The following EMC1 variants were observed in gnomAD, a reference collection of about 807,000 sequenced individuals.
EMC1 encodes KIAA0090.
Under a neutral mutation model 128.8 loss-of-function variants are expected in EMC1, and 103 were observed. The observed-to-expected ratio is 0.80, with a 90% CI of 0.68 to 0.94. EMC1 has a LOEUF of 0.94. EMC1 is among the 40% of genes least tolerant of loss of function. The probability of loss-of-function intolerance (pLI) is 0.00; values close to 1 mark genes in which losing one functional copy is unlikely to be tolerated. For synonymous variants in EMC1, 442 were observed against 490.4 expected (o/e 0.90, Z 1.30); for missense variants, 1,083 against 1,250.6 (o/e 0.87, Z 2.02).
At chr1:19,220,956 G>A in intron 20 of EMC1, 108 bp from the exon 21 acceptor site, 1 of 692,640 alleles carries the variant, frequency 1.4e-6, no homozygotes, top group Non-Finnish European at 2.5e-6. Flanking sequence ...ACAAAAAAAT[G>A]GGTCAATGAG....
intron 1 of EMC1, among the ~76,000 whole-genome samples, chr1:19,249,183 A>T (rs966818430): frequency 2.0e-5 from 3 of 152,238 alleles, no homozygotes; most frequent in Non-Finnish European, 4.4e-5. Flanking sequence ...AAATTTTATA[A>T]ATTTAGTATA....
chr1:19,223,382 T>C lies in EMC1; in HGVS notation c.2376+14A>G, dbSNP rs1246216715. Reference sequence around the variant, plus strand: ...CTCTGGAGCTACCTTGGGTCCCTGGTAGTGACCGCTTACCACCACCCAGTT... The same window carrying C: ...CTCTGGAGCTACCTTGGGTCCCTGGCAGTGACCGCTTACCACCACCCAGTT... On this transcript the variant is annotated intron_variant, in intron 19 of 22. Transcript: ENST00000477853. 1 of 1,611,262 alleles carries C rather than the reference T, an allele frequency of 6.2e-7. No individual in the cohort carries two copies.
intron 11 of EMC1, among the ~76,000 whole-genome samples, 188 bp from the exon 12 acceptor site, chr1:19,237,426 G>A (rs2093573830): frequency 6.6e-6 from 1 of 152,188 alleles, no homozygotes; most frequent in African/African-American, 2.4e-5. Flanking sequence ...ACATAATGAT[G>A]CTGGGGTCTC....
intron 1 of EMC1, among the ~76,000 whole-genome samples, chr1:19,248,263 T>C (rs2093640832): frequency 6.6e-6 from 1 of 152,114 alleles, no homozygotes; most frequent in African/African-American, 2.4e-5. Flanking sequence ...AGAGGCACCA[T>C]CACAGCTCAC....
At chr1:19,236,465 T>C (rs1284824740) in intron 12 of EMC1, among the ~76,000 whole-genome samples, 2 of 148,808 alleles carry the variant, frequency 1.3e-5, no homozygotes, top group Admixed American at 1.4e-4. Context: ...GAGACCAGCC[T>C]GACAAACATG....
At chr1:19,235,633 G>A (rs1572008669) in intron 12 of EMC1, among the ~76,000 whole-genome samples, 1 of 152,118 alleles carries the variant, frequency 6.6e-6, no homozygotes, top group Admixed American at 6.5e-5. Context: ...CCCGGGAGGT[G>A]GAGGTTGCAG....
At position 19,218,370 on chromosome 1, in the gene EMC1, T is replaced by G. The variant is rs780788921; in HGVS notation, c.*933A>C. On this transcript the variant is annotated 3_prime_UTR_variant, in exon 23 of 23. Coordinates refer to ENST00000477853, the MANE Select transcript of EMC1 (RefSeq NM_015047.3). ...TAGATCAATAAAATTTAAAATTTCC[T>G]CATTTAAGGAGAAATATAATGACCC... The G allele has an allele frequency of 1.3e-5, 2 of 152,214 alleles. No homozygotes were observed. The highest frequency in any genetic ancestry group is 2.9e-5 in the Non-Finnish European group (2 of 68,040). 9.4% of individuals were successfully genotyped at this position (152,214 alleles called of 1,614,324 possible). A position where few individuals can be genotyped will look rare whatever the true frequency, so the allele number is the denominator to read the frequency against.
At chr1:19,240,098 G>C in intron 7 of EMC1, 113 bp from the exon 8 acceptor site, 1 of 1,262,448 alleles carries the variant, frequency 7.9e-7, no homozygotes, top group Non-Finnish European at 1.1e-6. Context: ...GCCATGGCAG[G>C]TGGCTCCAAA....
At chr1:19,248,373 T>A (rs548954896) in intron 1 of EMC1, among the ~76,000 whole-genome samples, 6 of 152,054 alleles carry the variant, frequency 3.9e-5, no homozygotes. Context: ...AATTTTTGTA[T>A]GCTTTGCAGA....
intron 20 of EMC1, among the ~76,000 whole-genome samples, chr1:19,222,294 A>G (rs968440013): frequency 4.6e-5 from 7 of 151,768 alleles, no homozygotes; most frequent in African/African-American, 1.7e-4. Context: ...CCCTGTCTCT[A>G]CCAAAAAAAA....
chr1:19,229,077 G>T (rs950596480), intron 17 of EMC1, among the ~76,000 whole-genome samples: 2 of 152,078 alleles, frequency 1.3e-5, no homozygotes, highest in African/African-American at 2.4e-5. Flanking sequence ...AGCCACACAC[G>T]TGTGTCCACA....
chr1:19,235,002 C>A, intron 13 of EMC1, 128 bp downstream of exon 13: 1 of 1,041,388 alleles, frequency 9.6e-7, no homozygotes, highest in Non-Finnish European at 1.4e-6. Context: ...CATCACAGAG[C>A]TCATTCAGAA....
In EMC1 at chr1:19,251,503, C is replaced by T; in HGVS notation, c.7G>A (p.Ala3Thr). 1 of 1,614,140 alleles carries T rather than the reference C, an allele frequency of 6.2e-7. No individual in the cohort carries two copies. The highest frequency in any genetic ancestry group is 8.5e-7 in the Non-Finnish European group (1 of 1,180,016). The change falls in exon 1 of 23, where the codon GCT (alanine) becomes ACT (threonine). Residue 3 changes from alanine (A) to threonine (T), a missense_variant. Physicochemically the swap from Ala to Thr is moderately conservative, Grantham distance 58. Transcript: ENST00000477853. ...AGCCAGAAACGAGAAGCCCACTCAG[C>T]CGCCATGATGCGAGCGCATGCACCA... MA[A>T]EWASRFWLWA... is the part of the protein sequence containing the mutation.
intron 1 of EMC1, 77 bp downstream of exon 1, chr1:19,251,338 G>T: frequency 7.4e-7 from 1 of 1,353,340 alleles, no homozygotes; most frequent in Non-Finnish European, 1.1e-6. Flanking sequence ...CCTGTTAAGT[G>T]ACAACCTTTA....
At chr1:19,225,020 T>C (rs1171638140) in intron 18 of EMC1, among the ~76,000 whole-genome samples, 1 of 152,248 alleles carries the variant, frequency 6.6e-6, no homozygotes, top group Non-Finnish European at 1.5e-5. Context: ...ACACTGTACC[T>C]GCTTTCCCTC....
intron 1 of EMC1, among the ~76,000 whole-genome samples, chr1:19,245,583 ATTTACCT>A (rs1276081277): frequency 6.7e-6 from 1 of 148,998 alleles, no homozygotes; most frequent in African/African-American, 2.5e-5. Context: ...GGAAGCACAT[ATTTACCT>A]TCAGATAAGT....
Position 19,231,396 on chromosome 1 carries a change from G to A in EMC1, c.1809C>T (p.Val603=). ...DKESGMSSLY[V]FNPIFGKWSQ... Reference sequence around the variant, plus strand: ...TCCACTTCCCAAAAATGGGATTGAAGACATACAGAGAACTCATTCCCGACT... The same window carrying A: ...TCCACTTCCCAAAAATGGGATTGAAAACATACAGAGAACTCATTCCCGACT... The change falls in exon 16 of 23, where the codon GTC becomes GTT. Residue 603 remains valine (V), a synonymous_variant. Coordinates refer to ENST00000477853, the MANE Select transcript of EMC1 (RefSeq NM_015047.3). The A allele has an allele frequency of 3.1e-6, 5 of 1,611,882 alleles. No individual in the cohort carries two copies. In the African/African-American group the frequency reaches 4.0e-5, roughly 13 times the overall value.
chr1:19,236,937 C>T (rs943662690), intron 12 of EMC1, among the ~76,000 whole-genome samples: 1 of 142,972 alleles, frequency 7.0e-6, no homozygotes, highest in Non-Finnish European at 1.5e-5. Flanking sequence ...CACTGCACTC[C>T]AGCCTGGGCA....
At chr1:19,238,598 A>G (rs1419042062) in intron 10 of EMC1, among the ~76,000 whole-genome samples, 197 bp downstream of exon 10, 1 of 152,198 alleles carries the variant, frequency 6.6e-6, no homozygotes, top group Non-Finnish European at 1.5e-5. Flanking sequence ...GGCTAGAAAC[A>G]GACTCTAGGG....
Sources: gnomAD v4.1 joint callset for allele counts (sites outside exome capture counted in the v4.1 genomes callset) on GRCh38, gnomAD v4.1.1 for gene constraint, MANE v1.5 for transcripts, NCBI Gene and HGNC (gene_info 2026-07-23, HGNC 2026-07-21) for gene names.